DDHD1: variants seen among roughly 807,000 people sequenced by gnomAD.
The protein encoded by DDHD1 is phospholipase DDHD1.
Under a neutral mutation model 96.4 loss-of-function variants are expected in DDHD1, and 49 were observed. The observed-to-expected ratio is 0.51, with a 90% CI of 0.40 to 0.64. DDHD1 has a LOEUF of 0.64. Among genes scored for constraint, DDHD1 ranks in the 30% least tolerant of loss-of-function variants. The pLI is 0.00. For missense variants in DDHD1, 1,106 were observed against 1,161.2 expected (o/e 0.95, Z 0.69); for synonymous variants, 442 against 446.5 (o/e 0.99, Z 0.13).
intron 4 of DDHD1, among the ~76,000 whole-genome samples, chr14:53,079,169 T>A (rs1286865177): frequency 6.6e-6 from 1 of 152,200 alleles, no homozygotes; most frequent in Non-Finnish European, 1.5e-5. Flanking sequence ...TTTCTTTTCC[T>A]TATGATGCTT....
intron 1 of DDHD1, among the ~76,000 whole-genome samples, chr14:53,115,170 T>C (rs1007516587): frequency 6.6e-6 from 1 of 151,534 alleles, no homozygotes; most frequent in African/African-American, 2.4e-5. Context: ...AAGAAAAGAT[T>C]AGAGAAAAAA....
At chr14:53,107,529 G>A (rs1191273187) in intron 1 of DDHD1, among the ~76,000 whole-genome samples, 7 of 152,188 alleles carry the variant, frequency 4.6e-5, no homozygotes, top group Admixed American at 4.6e-4. Context: ...AGTGGCTAAT[G>A]CCTGTAATCC....
intron 1 of DDHD1, among the ~76,000 whole-genome samples, chr14:53,112,693 ACTC>A (rs1301861869): frequency 6.6e-6 from 1 of 151,982 alleles, no homozygotes; most frequent in African/African-American, 2.4e-5. Context: ...ACTATTTTCT[ACTC>A]CTATTTGTGT....
chr14:53,060,260 T>A (rs114832134), intron 8 of DDHD1, among the ~76,000 whole-genome samples: 6 of 152,242 alleles, frequency 3.9e-5, no homozygotes, highest in Admixed American at 2.0e-4. Context: ...TATTCAGCTA[T>A]AGGGTATGTC....
At chr14:53,076,822 G>C (rs763383618) in intron 4 of DDHD1, among the ~76,000 whole-genome samples, 23 of 152,164 alleles carry the variant, frequency 1.5e-4, no homozygotes, top group Non-Finnish European at 2.2e-4. Flanking sequence ...AGAAGCCTCA[G>C]ATAATTGGTT....
intron 9 of DDHD1, 61 bp from the exon 10 acceptor site, chr14:53,055,973 G>C: frequency 2.1e-6 from 3 of 1,441,106 alleles, no homozygotes; most frequent in South Asian, 2.6e-5. Flanking sequence ...TTGGATTTTA[G>C]TAAACTGTTC....
At chr14:53,125,959 C>A (rs1423603969) in intron 1 of DDHD1, among the ~76,000 whole-genome samples, 1 of 152,142 alleles carries the variant, frequency 6.6e-6, no homozygotes, top group African/African-American at 2.4e-5. Flanking sequence ...CCTTGGCCTC[C>A]CAAAGTGCTG....
chr14:53,070,911 C>A (rs949402861), intron 6 of DDHD1, among the ~76,000 whole-genome samples: 1 of 152,016 alleles, frequency 6.6e-6, no homozygotes, highest in African/African-American at 2.4e-5. Flanking sequence ...AAGAAAGCTC[C>A]CAGAGAAAAC....
At chr14:53,114,429 A>G (rs985200780) in intron 1 of DDHD1, among the ~76,000 whole-genome samples, 2 of 152,130 alleles carry the variant, frequency 1.3e-5, no homozygotes, top group Admixed American at 1.3e-4. Flanking sequence ...TAACCCCCAT[A>G]CCTCCTGACT....
At chr14:53,102,944 A>C in intron 2 of DDHD1, 7 of 1,317,968 alleles carry the variant, frequency 5.3e-6, no homozygotes, top group Non-Finnish European at 2.1e-6. Context: ...CTCCCAAATA[A>C]AGACTAGCAT....
At chr14:53,063,330 A>C (rs951519532) in intron 6 of DDHD1, 125 bp from the exon 7 acceptor site, 1 of 1,128,780 alleles carries the variant, frequency 8.9e-7, no homozygotes, top group Non-Finnish European at 1.2e-6. Flanking sequence ...AGGTTATTAA[A>C]ATTAACTTAG....
intron 2 of DDHD1, among the ~76,000 whole-genome samples, chr14:53,102,320 A>G (rs2139717770): frequency 2.0e-5 from 3 of 152,160 alleles, no homozygotes; most frequent in Middle Eastern, 3.4e-3. Flanking sequence ...ATTACATGGC[A>G]ATCTGTAGAA....
chr14:53,081,630 C>T (rs953823706), intron 4 of DDHD1, among the ~76,000 whole-genome samples: 1 of 152,128 alleles, frequency 6.6e-6, no homozygotes. Context: ...GCCATCATAA[C>T]AAAAAATTAT....
rs1882050804 is a variant in DDHD1 at position 53,046,850 on chromosome 14, A to C, written c.2621T>G (p.Leu874Trp). 1 of 1,613,742 alleles carries C rather than the reference A, an allele frequency of 6.2e-7. No individual in the cohort carries two copies. Among genetic ancestry groups the C allele is most frequent in the Non-Finnish European group, 8.5e-7 (1 of 1,179,782 alleles). The change falls in exon 13 of 13, where the codon TTG becomes TGG. Residue 874 changes from leucine (L) to tryptophan (W), a missense_variant. Coordinates refer to ENST00000673822, the MANE Select transcript of DDHD1 (RefSeq NM_001160148.2). ...VTSHTAYWSS[L>W]DVALFLLTFM... is the part of the protein sequence containing the mutation. ...GGTTAAAAGAAAAAGGGCAACATCC[A>C]AGGATGACCAATAGGCAGTATGCGA...
At chr14:53,106,095 T>C (rs1315902918) in intron 1 of DDHD1, among the ~76,000 whole-genome samples, 1 of 152,202 alleles carries the variant, frequency 6.6e-6, no homozygotes, top group Non-Finnish European at 1.5e-5. Flanking sequence ...TTATTACCTA[T>C]ATTGTGGAGA....
chr14:53,079,693 T>C (rs1885286067), intron 4 of DDHD1, among the ~76,000 whole-genome samples: 1 of 152,218 alleles, frequency 6.6e-6, no homozygotes, highest in Admixed American at 6.5e-5. Context: ...TTGTGGATCT[T>C]TTCAAAGAAC....
In DDHD1 at chr14:53,072,874, GA is replaced by G. The variant is rs551975943; in HGVS notation, c.1397-172del. 2.8e-4 allele frequency among the ~76,000 whole-genome samples: 41 copies of G among 144,742 alleles called. 1 individual carries two copies. Among genetic ancestry groups the G allele is most frequent in the African/African-American group, 8.1e-4 (32 of 39,728 alleles). 95.0% of individuals were successfully genotyped at this position (144,742 alleles called of 152,430 possible). ...CTTCCCTTCCTATAAAATACTTCAA[GA>G]AAAAAAAAACAGTAAAAGACAACAT... On this transcript the variant is annotated intron_variant, in intron 5 of 12. Transcript: ENST00000673822.
chr14:53,138,017 G>C (rs575184979), intron 1 of DDHD1, among the ~76,000 whole-genome samples: 75 of 152,284 alleles, frequency 4.9e-4, no homozygotes, highest in African/African-American at 1.4e-3. Context: ...AGTTGTGAAG[G>C]AAACAAAAAT....
At position 53,043,288 on chromosome 14, in the gene DDHD1, T is replaced by C. The variant is rs1022620997; in HGVS notation, c.*3480A>G. 6 of 152,158 alleles carry C rather than the reference T, an allele frequency of 3.9e-5. No individual in the cohort carries two copies. The highest frequency in any genetic ancestry group is 1.4e-4 in the African/African-American group (6 of 41,426). The allele number at this position is 152,158 out of a possible 1,614,324, so 9.4% of individuals were successfully genotyped here. A position where few individuals can be genotyped will look rare whatever the true frequency, so the allele number is the denominator to read the frequency against. On this transcript the variant is annotated 3_prime_UTR_variant, in exon 13 of 13. Coordinates refer to ENST00000673822, the MANE Select transcript of DDHD1 (RefSeq NM_001160148.2). ...AGTATTCAGCATGAAGCATGTTCAG[T>C]GTGAGTACTTCAAAAGATAACAGAT...
Sources: gnomAD v4.1 joint callset for allele counts (sites outside exome capture counted in the v4.1 genomes callset) on GRCh38, gnomAD v4.1.1 for gene constraint, MANE v1.5 for transcripts, NCBI Gene and HGNC (gene_info 2026-07-23, HGNC 2026-07-21) for gene names.